The following SEMA3E variants were observed in gnomAD, a reference collection of about 807,000 sequenced individuals.
SEMA3E encodes the protein semaphorin-3E.
In SEMA3E, 49 loss-of-function variants were observed where a neutral mutation model predicts 93.6. That is an observed-to-expected ratio of 0.52 (90% CI 0.42 to 0.66). The LOEUF (loss-of-function observed/expected upper bound fraction) is 0.66. SEMA3E is among the 30% of genes least tolerant of loss of function. The pLI, the probability that SEMA3E is intolerant of heterozygous loss-of-function variation, is 0.00. For synonymous variants in SEMA3E, 363 were observed against 330.7 expected, an observed-to-expected ratio of 1.10 and a Z score of -1.06; for missense variants, 906 against 964.8, an observed-to-expected ratio of 0.94 and a Z score of 0.81.
intron 4 of SEMA3E, among the ~76,000 whole-genome samples, chr7:83,456,227 C>G (rs940597533): frequency 3.3e-5 from 5 of 152,240 alleles, no homozygotes; most frequent in Admixed American, 6.5e-5. Context: ...TGCTTTATAC[C>G]TAAAACTCTG....
chr7:83,633,709 T>A (rs1307284727), intron 1 of SEMA3E, among the ~76,000 whole-genome samples: 2 of 152,034 alleles, frequency 1.3e-5, no homozygotes, highest in Admixed American at 6.6e-5. Flanking sequence ...AAAAGCAGTA[T>A]GGGAGAGAGT....
intron 16 of SEMA3E, among the ~76,000 whole-genome samples, chr7:83,383,619 A>G (rs1384017507): frequency 2.6e-5 from 4 of 151,998 alleles, no homozygotes; most frequent in Non-Finnish European, 5.9e-5. Context: ...TTAGTTGGGG[A>G]AATTTGAATG....
At chr7:83,494,131 T>C (rs755322388) in intron 1 of SEMA3E, among the ~76,000 whole-genome samples, 5 of 151,886 alleles carry the variant, frequency 3.3e-5, no homozygotes, top group African/African-American at 4.8e-5. Flanking sequence ...AATATATTTC[T>C]AGGGAGTAAG....
chr7:83,449,657 GACTTA>G (rs1276856381), intron 4 of SEMA3E, among the ~76,000 whole-genome samples: 12 of 151,906 alleles, frequency 7.9e-5, no homozygotes, highest in East Asian at 3.9e-4. Flanking sequence ...TTTTCTTTCG[GACTTA>G]ACTTGATTGT....
At position 83,461,224 on chromosome 7, in the gene SEMA3E, C is replaced by T. The variant is rs187269001; in HGVS notation, c.456+5258G>A. On this transcript the variant is annotated intron_variant, in intron 4 of 16. Coordinates refer to ENST00000643230, the MANE Select transcript of SEMA3E (RefSeq NM_012431.3). ...CCTAGTCTCTGTGCCCAGTGCAACT[C>T]GTCCCAAATCTTCCTTCTTTCCCTC... 2.8e-3 allele frequency among the ~76,000 whole-genome samples: 424 copies of T among 152,182 alleles called. 2 individuals are homozygous for T. Among genetic ancestry groups the T allele is most frequent in the African/African-American group, 8.5e-3 (353 of 41,528 alleles).
At chr7:83,592,010 TG>T (rs770487355) in intron 1 of SEMA3E, among the ~76,000 whole-genome samples, 84 of 152,226 alleles carry the variant, frequency 5.5e-4, no homozygotes, top group Middle Eastern at 3.4e-3. Flanking sequence ...ATAAGTGTAA[TG>T]TTTTGTTCCA....
chr7:83,422,909 T>C (rs1343283428), intron 4 of SEMA3E, among the ~76,000 whole-genome samples: 3 of 152,196 alleles, frequency 2.0e-5, no homozygotes, highest in Admixed American at 6.5e-5. Flanking sequence ...ACCTCAGGCA[T>C]AGATGAATAA....
At chr7:83,424,582 T>C (rs1394277220) in intron 4 of SEMA3E, among the ~76,000 whole-genome samples, 3 of 152,186 alleles carry the variant, frequency 2.0e-5, no homozygotes, top group East Asian at 1.9e-4. Context: ...TTTACCTTAA[T>C]TGAATAATTG....
At chr7:83,484,548 A>C (rs1790214275) in intron 2 of SEMA3E, among the ~76,000 whole-genome samples, 1 of 152,140 alleles carries the variant, frequency 6.6e-6, no homozygotes, top group Admixed American at 6.5e-5. Flanking sequence ...CAGTGTAACT[A>C]GTCAAAACTG....
At chr7:83,620,328 A>C (rs192726741) in intron 1 of SEMA3E, among the ~76,000 whole-genome samples, 1 of 152,076 alleles carries the variant, frequency 6.6e-6, no homozygotes, top group African/African-American at 2.4e-5. Flanking sequence ...AATCTGAATA[A>C]ACCTAGCTTA....
chr7:83,435,252 A>G (rs1242437062), intron 4 of SEMA3E, among the ~76,000 whole-genome samples: 1 of 152,126 alleles, frequency 6.6e-6, no homozygotes, highest in Non-Finnish European at 1.5e-5. Flanking sequence ...TATCCAAAAC[A>G]TGTTTGAGTT....
chr7:83,389,249 T>C (rs1206355224), intron 14 of SEMA3E, among the ~76,000 whole-genome samples: 2 of 152,114 alleles, frequency 1.3e-5, no homozygotes, highest in African/African-American at 2.4e-5. Flanking sequence ...AATGCTGTTG[T>C]TAATCCCTCA....
In SEMA3E at chr7:83,400,081, A is replaced by G. The variant is rs755186079; in HGVS notation, c.1313T>C (p.Val438Ala). The G allele has an allele frequency of 1.9e-6, 3 of 1,614,040 alleles. No individual in the cohort carries two copies. The Admixed American group carries it at 5.0e-5, about 27-fold the overall frequency. Residue 438 changes from valine to alanine, a missense_variant, in exon 11 of 17, where the codon GTA becomes GCA. Transcript: ENST00000643230. ...DGKYNLKQIA[V>A]DRVEAEDGQY... is the part of the protein sequence containing the mutation. ...GCCATCCTCAGCTTCCACTCGATCT[A>G]CTGCTATTTGTTTCAGGTTATATTT... is the stretch of plus-strand genomic sequence containing the variant.
intron 1 of SEMA3E, among the ~76,000 whole-genome samples, chr7:83,645,598 G>A (rs1008920175): frequency 9.2e-5 from 14 of 151,880 alleles, no homozygotes; most frequent in Non-Finnish European, 1.6e-4. Context: ...TAATATTAGT[G>A]TGCAGTGAGA....
At chr7:83,560,959 A>G (rs900269165) in intron 1 of SEMA3E, among the ~76,000 whole-genome samples, 2 of 152,064 alleles carry the variant, frequency 1.3e-5, no homozygotes, top group Admixed American at 1.3e-4. Flanking sequence ...GCATAGTTTA[A>G]AAAAATCATA....
chr7:83,396,083 G>A (rs1026581470), intron 12 of SEMA3E, among the ~76,000 whole-genome samples: 3 of 58,996 alleles, frequency 5.1e-5, no homozygotes, highest in Non-Finnish European at 1.0e-4. Context: ...AAGTGCATAT[G>A]TGCATTTATA....
At chr7:83,615,421 T>A (rs915336752) in intron 1 of SEMA3E, among the ~76,000 whole-genome samples, 1 of 152,044 alleles carries the variant, frequency 6.6e-6, no homozygotes, top group Non-Finnish European at 1.5e-5. Flanking sequence ...ATGAAGGGAA[T>A]AATTTAGGGA....
chr7:83,534,097 C>T (rs1373593840), intron 1 of SEMA3E, among the ~76,000 whole-genome samples: 1 of 152,170 alleles, frequency 6.6e-6, no homozygotes, highest in African/African-American at 2.4e-5. Flanking sequence ...AGACCATGCC[C>T]AGAGGTAACA....
At chr7:83,411,010 A>G (rs564726600) in intron 5 of SEMA3E, among the ~76,000 whole-genome samples, 1 of 152,202 alleles carries the variant, frequency 6.6e-6, no homozygotes, top group Non-Finnish European at 1.5e-5. Flanking sequence ...TTGATTTTAT[A>G]TCTTAAAGTA....
Sources: gnomAD v4.1 joint callset for allele counts (sites outside exome capture counted in the v4.1 genomes callset) on GRCh38, gnomAD v4.1.1 for gene constraint, MANE v1.5 for transcripts, NCBI Gene and HGNC (gene_info 2026-07-23, HGNC 2026-07-21) for gene names.